The following HDAC9 variants were observed in gnomAD, a reference collection of about 807,000 sequenced individuals.
HDAC9 encodes histone deacetylase 9, also known as MEF-2 interacting transcription repressor (MITR) protein.
A neutral mutation model predicts 139.4 loss-of-function variants in HDAC9; 41 were observed. The ratio of observed to expected loss-of-function variants is 0.29; its 90% CI spans 0.23 to 0.38. HDAC9 has a LOEUF of 0.38. Ranked by LOEUF, HDAC9 falls within the 10% of genes least tolerant of loss-of-function variation. The pLI is 1.00. For synonymous variants in HDAC9, 517 were observed against 476.2 expected, an observed-to-expected ratio of 1.09 and a Z score of -1.12; for missense variants, 1,147 against 1,297.0, an observed-to-expected ratio of 0.88 and a Z score of 1.78.
intron 1 of HDAC9, among the ~76,000 whole-genome samples, chr7:18,452,561 G>C (rs1311000117): frequency 1.3e-5 from 2 of 152,156 alleles, no homozygotes; most frequent in Non-Finnish European, 1.5e-5. Flanking sequence ...ATATATAATT[G>C]ATATGGTTTG....
At chr7:18,209,707 CT>C (rs570706146) in intron 2 of HDAC9, among the ~76,000 whole-genome samples, 56 of 145,552 alleles carry the variant, frequency 3.8e-4, no homozygotes, top group Admixed American at 5.5e-4. Context: ...GTACTTTTTT[CT>C]TTTTTTTTTT....
chr7:18,091,173 T>C (rs1782118259), intron 1 of HDAC9, among the ~76,000 whole-genome samples: 1 of 152,264 alleles, frequency 6.6e-6, no homozygotes, highest in African/African-American at 2.4e-5. Context: ...TTACAAATGG[T>C]TTATAGGAGC....
chr7:18,324,273 A>C (rs1168511777), intron 1 of HDAC9, among the ~76,000 whole-genome samples: 1 of 152,134 alleles, frequency 6.6e-6, no homozygotes, highest in Middle Eastern at 3.2e-3. Flanking sequence ...ATGGCTACAA[A>C]ATGCTAGTAG....
At chr7:18,267,166 C>G (rs1473171751) in intron 2 of HDAC9, among the ~76,000 whole-genome samples, 4 of 152,040 alleles carry the variant, frequency 2.6e-5, no homozygotes, top group Non-Finnish European at 5.9e-5. Context: ...AACATTAAAA[C>G]TTATTTCTAA....
chr7:18,871,836 G>T (rs1236611953), intron 21 of HDAC9, among the ~76,000 whole-genome samples: 1 of 152,130 alleles, frequency 6.6e-6, no homozygotes, highest in Non-Finnish European at 1.5e-5. Flanking sequence ...GATCTGTGGA[G>T]TCTCAGTTTC....
intron 12 of HDAC9, among the ~76,000 whole-genome samples, chr7:18,671,548 G>A (rs140235132): frequency 7.2e-5 from 11 of 151,804 alleles, no homozygotes; most frequent in East Asian, 1.9e-4. Flanking sequence ...TATTGTTCTC[G>A]GCTTCTTCTG....
intron 1 of HDAC9, among the ~76,000 whole-genome samples, chr7:18,371,660 T>C (rs978881665): frequency 6.6e-6 from 1 of 152,192 alleles, no homozygotes; most frequent in Non-Finnish European, 1.5e-5. Context: ...CTGCATTCTG[T>C]CACAGCTATC....
intron 1 of HDAC9, among the ~76,000 whole-genome samples, chr7:18,310,951 A>C (rs938359537): frequency 5.4e-4 from 82 of 152,232 alleles, no homozygotes; most frequent in African/African-American, 1.9e-3. Flanking sequence ...TTCTAAAAAA[A>C]GTTATATATT....
At chr7:18,838,597 A>G (rs1438567752) in intron 21 of HDAC9, among the ~76,000 whole-genome samples, 1 of 152,080 alleles carries the variant, frequency 6.6e-6, no homozygotes, top group African/African-American at 2.4e-5. Context: ...TCCTTTGTCA[A>G]TTTGGGCTTA....
chr7:18,765,221 C>A (rs543866732), intron 15 of HDAC9, among the ~76,000 whole-genome samples: 1 of 152,086 alleles, frequency 6.6e-6, no homozygotes, highest in Non-Finnish European at 1.5e-5. Context: ...TGTAAACATT[C>A]TCCTAAGTAG....
At chr7:18,973,752 A>T (rs1784389067) in intron 24 of HDAC9, among the ~76,000 whole-genome samples, 1 of 152,082 alleles carries the variant, frequency 6.6e-6, no homozygotes, top group South Asian at 2.1e-4. Flanking sequence ...CAACCTCCCA[A>T]ATCTCTCTTA....
At chr7:18,722,127 G>A (rs987839951) in intron 12 of HDAC9, among the ~76,000 whole-genome samples, 1 of 152,146 alleles carries the variant, frequency 6.6e-6, no homozygotes, top group Non-Finnish European at 1.5e-5. Context: ...ATAATGAAAA[G>A]TTGTCTTACA....
At chr7:18,530,234 G>C (rs1808448322) in intron 2 of HDAC9, among the ~76,000 whole-genome samples, 1 of 152,142 alleles carries the variant, frequency 6.6e-6, no homozygotes, top group Admixed American at 6.5e-5. Context: ...CTCCTGTTCT[G>C]CCTGGGCAAC....
chr7:18,799,754 A>G (rs2129183038), intron 17 of HDAC9, among the ~76,000 whole-genome samples: 1 of 152,354 alleles, frequency 6.6e-6, no homozygotes, highest in East Asian at 1.9e-4. Flanking sequence ...AAGAAAAATG[A>G]ACAGAGTTTC....
chr7:18,543,750 A>G (rs1486869412), intron 2 of HDAC9: 1 of 152,122 alleles, frequency 6.6e-6, no homozygotes, highest in East Asian at 1.9e-4. Context: ...CATAAAATCT[A>G]AATTTATTTT....
rs1786294785 is a variant in HDAC9 at position 18,732,765 on chromosome 7, G to GTGTGCGTATGTGTACACACACGTGTGTT, written c.1909+5013_1909+5040dup. ...TGCGTATGTGTACACACACGTGTAT[G>GTGTGCGTATGTGTACACACACGTGTGTT]TGTGCGTATGTGTACACACACGTGT... On this transcript the variant is annotated intron_variant, in intron 13 of 25. Coordinates refer to ENST00000686413, the MANE Select transcript of HDAC9 (RefSeq NM_178425.4). Among the ~76,000 whole-genome samples, 4 of 77,090 alleles carry GTGTGCGTATGTGTACACACACGTGTGTT rather than the reference G, an allele frequency of 5.2e-5. 2 individuals are homozygous for GTGTGCGTATGTGTACACACACGTGTGTT. Among genetic ancestry groups the GTGTGCGTATGTGTACACACACGTGTGTT allele is most frequent in the Non-Finnish European group, 1.0e-4 (4 of 40,016 alleles). The allele number at this position is 77,090 out of a possible 152,430, so 50.6% of individuals were successfully genotyped here.
chr7:18,674,329 C>T (rs1781367277), intron 12 of HDAC9, among the ~76,000 whole-genome samples: 3 of 151,992 alleles, frequency 2.0e-5, no homozygotes, highest in Admixed American at 6.6e-5. Context: ...GGTCAACCTA[C>T]AGTAATTGCT....
intron 12 of HDAC9, among the ~76,000 whole-genome samples, chr7:18,724,514 C>T (rs539967030): frequency 2.6e-5 from 4 of 152,226 alleles, no homozygotes; most frequent in Non-Finnish European, 2.9e-5. Flanking sequence ...GGTGAGTCAG[C>T]GACTGGCTGA....
intron 2 of HDAC9, among the ~76,000 whole-genome samples, chr7:18,582,336 A>G (rs1484220502): frequency 6.6e-6 from 1 of 152,094 alleles, no homozygotes; most frequent in South Asian, 2.1e-4. Flanking sequence ...TCTCTACATC[A>G]CCAGTCATTG....
Sources: gnomAD v4.1 joint callset for allele counts (sites outside exome capture counted in the v4.1 genomes callset) on GRCh38, gnomAD v4.1.1 for gene constraint, MANE v1.5 for transcripts, NCBI Gene and HGNC (gene_info 2026-07-23, HGNC 2026-07-21) for gene names.